Variants in ZDHHC21 observed in about 807,000 individuals in gnomAD.
ZDHHC21 encodes palmitoyltransferase ZDHHC21.
Under a neutral mutation model 34.6 loss-of-function variants are expected in ZDHHC21, and 15 were observed. That is an observed-to-expected ratio of 0.43 (90% confidence interval 0.29 to 0.67). The LOEUF (loss-of-function observed/expected upper bound fraction) is 0.67, where lower values mean the gene tolerates loss of function less well. ZDHHC21 is among the 30% of genes least tolerant of loss of function. The pLI is 0.14. For synonymous variants in ZDHHC21, 142 were observed against 101.8 expected, an observed-to-expected ratio of 1.40 and a Z score of -2.38; for missense variants, 344 against 327.7, an observed-to-expected ratio of 1.05 and a Z score of -0.38.
intron 8 of ZDHHC21, among the ~76,000 whole-genome samples, chr9:14,622,272 T>C (rs1436371542): frequency 6.6e-6 from 1 of 152,036 alleles, no homozygotes; most frequent in East Asian, 1.9e-4. Context: ...TACAGAAATA[T>C]AGGCCCTACC....
intron 5 of ZDHHC21, among the ~76,000 whole-genome samples, chr9:14,663,854 G>A (rs1430770488): frequency 6.6e-6 from 1 of 152,026 alleles, no homozygotes; most frequent in Non-Finnish European, 1.5e-5. Context: ...AATTTACATA[G>A]TTAAACTAGT....
chr9:14,644,279 GATAA>G (rs1829903798), intron 7 of ZDHHC21, among the ~76,000 whole-genome samples: 1 of 152,106 alleles, frequency 6.6e-6, no homozygotes, highest in African/African-American at 2.4e-5. Context: ...AGAATCTATA[GATAA>G]ATCATTTATA....
At position 14,653,123 on chromosome 9, in the gene ZDHHC21, G is replaced by A. The variant is rs182929030; in HGVS notation, c.504+5626C>T. On this transcript the variant is annotated intron_variant, in intron 7 of 9. Coordinates refer to ENST00000380916, the MANE Select transcript of ZDHHC21 (RefSeq NM_178566.6). The stretch of plus-strand genomic sequence containing the variant: ...TCCAAAGATAGTTAGGGACCTTCGG[G>A]GATCTTATTCCATATCCTGAATAAT... Among the ~76,000 whole-genome samples, 8 of 151,914 alleles carry A rather than the reference G, an allele frequency of 5.3e-5. No homozygotes were observed. In the East Asian group the frequency reaches 5.8e-4, roughly 11 times the overall value.
intron 6 of ZDHHC21, among the ~76,000 whole-genome samples, 153 bp from the exon 7 acceptor site, chr9:14,659,040 G>T (rs1212120955): frequency 2.0e-5 from 3 of 152,156 alleles, no homozygotes; most frequent in Non-Finnish European, 4.4e-5. Context: ...AAACTATACA[G>T]AGAAAACTAT....
intron 7 of ZDHHC21, among the ~76,000 whole-genome samples, chr9:14,658,071 A>T (rs1386454784): frequency 1.3e-5 from 2 of 152,332 alleles, no homozygotes; most frequent in East Asian, 3.9e-4. Context: ...GGAGAAAAAA[A>T]GTTCTCTTTC....
At chr9:14,655,069 C>T (rs1196467056) in intron 7 of ZDHHC21, among the ~76,000 whole-genome samples, 2 of 151,876 alleles carry the variant, frequency 1.3e-5, no homozygotes, top group Non-Finnish European at 2.9e-5. Flanking sequence ...CATAGAATCA[C>T]AGAATAATTG....
intron 2 of ZDHHC21, among the ~76,000 whole-genome samples, chr9:14,687,940 CAG>C (rs1373200435): frequency 2.0e-5 from 3 of 150,670 alleles, no homozygotes; most frequent in Non-Finnish European, 2.9e-5. Context: ...ATTTAGAAAG[CAG>C]AGTTACAGCT....
chr9:14,597,203 A>G, the ZDHHC21 span, among the ~76,000 whole-genome samples: 1 of 151,868 alleles, frequency 6.6e-6, no homozygotes, highest in Admixed American at 6.6e-5. Context: ...GCCATTTGAG[A>G]GCTCAGCTCC....
chr9:14,692,062 GCT>G (rs1339266690), intron 1 of ZDHHC21, among the ~76,000 whole-genome samples: 1 of 152,116 alleles, frequency 6.6e-6, no homozygotes, highest in Non-Finnish European at 1.5e-5. Context: ...ATCTCATTTG[GCT>G]CTTTCTTTCC....
At chr9:14,665,519 G>C (rs1366073280) in intron 5 of ZDHHC21, among the ~76,000 whole-genome samples, 1 of 151,970 alleles carries the variant, frequency 6.6e-6, no homozygotes, top group Non-Finnish European at 1.5e-5. Context: ...TACTCCCCAA[G>C]AAGAAAAACT....
rs1389934951 is a variant in ZDHHC21 at position 14,616,405 on chromosome 9, T to A, written c.*2561A>T. ...AAGCAGTCATCACATTCTTATGAACTAGAAATAACATCATAAAAACATGTT... is the reference window on the plus strand; with the variant it reads ...AAGCAGTCATCACATTCTTATGAACAAGAAATAACATCATAAAAACATGTT... On this transcript the variant is annotated 3_prime_UTR_variant, in exon 10 of 10. Coordinates refer to ENST00000380916, the MANE Select transcript of ZDHHC21 (RefSeq NM_178566.6). The A allele has an allele frequency of 6.6e-6, 1 of 151,878 alleles. No homozygotes were observed. Among genetic ancestry groups the A allele is most frequent in the Non-Finnish European group, 1.5e-5 (1 of 67,826 alleles). 9.4% of individuals were successfully genotyped at this position (151,878 alleles called of 1,614,324 possible).
chr9:14,630,571 T>A (rs1827160421), intron 8 of ZDHHC21, among the ~76,000 whole-genome samples: 2 of 152,306 alleles, frequency 1.3e-5, no homozygotes, highest in South Asian at 4.1e-4. Flanking sequence ...AAATGGTAAA[T>A]CTTTTCCAGA....
intron 7 of ZDHHC21, among the ~76,000 whole-genome samples, chr9:14,653,265 C>T (rs1831582410): frequency 6.6e-6 from 1 of 151,776 alleles, no homozygotes; most frequent in Non-Finnish European, 1.5e-5. Flanking sequence ...GAAAGAAACA[C>T]AGGAAAAGAC....
chr9:14,655,009 A>G (rs1355484124), intron 7 of ZDHHC21, among the ~76,000 whole-genome samples: 1 of 152,058 alleles, frequency 6.6e-6, no homozygotes, highest in Non-Finnish European at 1.5e-5. Flanking sequence ...TCAAAGTTAC[A>G]TAAACTCTCC....
intron 7 of ZDHHC21, among the ~76,000 whole-genome samples, chr9:14,642,412 T>G (rs1829527466): frequency 1.3e-5 from 2 of 152,154 alleles, no homozygotes; most frequent in Admixed American, 1.3e-4. Context: ...GGAACCCATT[T>G]GCTATCCGAG....
intron 8 of ZDHHC21, among the ~76,000 whole-genome samples, chr9:14,639,101 C>G (rs1009519287): frequency 2.6e-5 from 4 of 152,044 alleles, no homozygotes; most frequent in Admixed American, 6.6e-5. Flanking sequence ...GATAGGAAAT[C>G]AACCTAAGTG....
chr9:14,653,896 C>T (rs981730956), intron 7 of ZDHHC21, among the ~76,000 whole-genome samples: 4 of 151,552 alleles, frequency 2.6e-5, no homozygotes, highest in Non-Finnish European at 5.9e-5. Context: ...AGATAAAATC[C>T]AATTAATTAA....
At chr9:14,595,788 A>G in the ZDHHC21 span, among the ~76,000 whole-genome samples, 2 of 152,214 alleles carry the variant, frequency 1.3e-5, no homozygotes, top group Non-Finnish European at 2.9e-5. Flanking sequence ...AAAAGAAGAC[A>G]TCTCCAAAAG....
At chr9:14,658,336 G>A (rs978161464) in intron 7 of ZDHHC21, among the ~76,000 whole-genome samples, 1 of 151,846 alleles carries the variant, frequency 6.6e-6, no homozygotes, top group Admixed American at 6.6e-5. Flanking sequence ...TCACCAATTT[G>A]GGAGTTTGCT....
Sources: allele counts gnomAD v4.1 joint callset (sites outside exome capture counted in the v4.1 genomes callset), GRCh38; gene constraint gnomAD v4.1.1; transcripts MANE v1.5; gene names NCBI Gene and HGNC (gene_info 2026-07-23, HGNC 2026-07-21).